Variants in SAMMSON observed in about 807,000 individuals in gnomAD.
SAMMSON encodes the protein survival associated mitochondrial melanoma specific oncogenic non-coding RNA, also known as long intergenic non-protein coding RNA 1212.
At chr3:70,237,525 A>G (rs1476276843) in intron 4 of SAMMSON, among the ~76,000 whole-genome samples, 1 of 152,238 alleles carries the variant, frequency 6.6e-6, no homozygotes, top group African/African-American at 2.4e-5. Context: ...ATGCTATGCT[A>G]AAATTGATGT....
chr3:70,397,850 A>C (rs1661792084), intron 2 of SAMMSON, among the ~76,000 whole-genome samples: 1 of 152,240 alleles, frequency 6.6e-6, no homozygotes, highest in Admixed American at 6.5e-5. Flanking sequence ...TATATTAGAC[A>C]AACTATAACA....
rs116326794 is a variant in SAMMSON, at chr3:70,128,011, C to T, written n.507+56446C>T. On this transcript the variant is annotated intron_variant and non_coding_transcript_variant, in intron 4 of 9. Transcript: ENST00000642114. The stretch of plus-strand genomic sequence containing the variant: ...GATTAGTAAGGACCAGAATGGATAA[C>T]GTTCCTGGGTCAGGCATCATTTTCA... 6.5e-3 allele frequency among the ~76,000 whole-genome samples: 995 copies of T among 152,268 alleles called. 4 individuals are homozygous for T. The highest frequency in any genetic ancestry group is 0.01 in the South Asian group (49 of 4,826).
intron 4 of SAMMSON, chr3:70,125,005 C>T (rs2067450639): frequency 1.5e-6 from 1 of 672,386 alleles, no homozygotes; most frequent in East Asian, 2.7e-5. Context: ...TCAATTTCTT[C>T]CTGTCCAAGT....
intron 7 of SAMMSON, chr3:70,291,878 A>C (rs895986024): frequency 1.3e-5 from 2 of 152,264 alleles, no homozygotes; most frequent in East Asian, 1.9e-4. Context: ...AGAATGTAGG[A>C]GTCTAATATT....
At chr3:70,158,951 T>C (rs2106691819) in intron 4 of SAMMSON, among the ~76,000 whole-genome samples, 1 of 152,182 alleles carries the variant, frequency 6.6e-6, no homozygotes, top group African/African-American at 2.4e-5. Context: ...TATATATTTG[T>C]CCTTTCCAAA....
chr3:70,267,302 TA>T (rs983519812), intron 6 of SAMMSON, among the ~76,000 whole-genome samples: 1 of 151,804 alleles, frequency 6.6e-6, no homozygotes, highest in African/African-American at 2.4e-5. Context: ...TACCATATTC[TA>T]AAAAATATCA....
intron 4 of SAMMSON, among the ~76,000 whole-genome samples, chr3:70,232,024 A>G (rs187684681): frequency 9.4e-4 from 143 of 152,300 alleles, no homozygotes; most frequent in African/African-American, 3.3e-3. Flanking sequence ...TTAGCCATTA[A>G]TAAGCATATT....
At chr3:70,352,422 C>T (rs955320513) in intron 7 of SAMMSON, among the ~76,000 whole-genome samples, 1 of 151,954 alleles carries the variant, frequency 6.6e-6, no homozygotes, top group African/African-American at 2.4e-5. Flanking sequence ...GCAATATATC[C>T]TATAGGAATG....
chr3:70,247,889 T>C (rs1401305078), intron 4 of SAMMSON, among the ~76,000 whole-genome samples: 1 of 152,074 alleles, frequency 6.6e-6, no homozygotes, highest in Non-Finnish European at 1.5e-5. Flanking sequence ...TTATTTTTTA[T>C]AAGTTTCTGT....
intron 7 of SAMMSON, among the ~76,000 whole-genome samples, chr3:70,297,978 CA>C (rs1206613286): frequency 3.3e-5 from 5 of 151,964 alleles, no homozygotes; most frequent in African/African-American, 4.8e-5. Context: ...CTTAAATAAT[CA>C]GGGGAGAAAT....
intron 4 of SAMMSON, chr3:70,075,033 C>T (rs942981518): frequency 6.6e-6 from 1 of 152,020 alleles, no homozygotes; most frequent in African/African-American, 2.4e-5. Context: ...CTTTTCACCC[C>T]TCCACACCAG....
intron 4 of SAMMSON, chr3:70,127,055 T>A (rs2067462097): frequency 6.6e-6 from 1 of 152,522 alleles, no homozygotes; most frequent in Non-Finnish European, 1.5e-5. Context: ...GTGGAACATT[T>A]TGAACTGTCC....
intron 4 of SAMMSON, among the ~76,000 whole-genome samples, chr3:70,096,805 A>C (rs1423485041): frequency 6.6e-6 from 1 of 152,196 alleles, no homozygotes; most frequent in East Asian, 1.9e-4. Context: ...AGGTCACAGA[A>C]TGTATGTCTA....
intron 7 of SAMMSON, among the ~76,000 whole-genome samples, chr3:70,334,147 A>G (rs1360998605): frequency 2.0e-5 from 3 of 152,180 alleles, no homozygotes; most frequent in East Asian, 1.9e-4. Context: ...TTAAGGAATC[A>G]TAGTTGAAGA....
intron 9 of SAMMSON, among the ~76,000 whole-genome samples, chr3:70,363,258 A>C (rs1043234063): frequency 3.3e-5 from 5 of 151,994 alleles, no homozygotes; most frequent in African/African-American, 1.2e-4. Flanking sequence ...CCTTTCCTTT[A>C]AGAACTGGAA....
intron 6 of SAMMSON, among the ~76,000 whole-genome samples, chr3:70,273,519 A>T (rs905385005): frequency 3.3e-5 from 5 of 152,204 alleles, no homozygotes; most frequent in Non-Finnish European, 5.9e-5. Flanking sequence ...TAATACAGTT[A>T]TATCACCTAA....
At chr3:70,420,171 T>C (rs552187886) in intron 2 of SAMMSON, among the ~76,000 whole-genome samples, 5 of 152,290 alleles carry the variant, frequency 3.3e-5, no homozygotes, top group Non-Finnish European at 4.4e-5. Flanking sequence ...AATAGAACTA[T>C]TAGCTGTCTC....
chr3:70,194,703 C>T (rs1701159096), intron 4 of SAMMSON, among the ~76,000 whole-genome samples: 1 of 152,152 alleles, frequency 6.6e-6, no homozygotes, highest in Admixed American at 6.5e-5. Flanking sequence ...ATTCAATTCA[C>T]ATTTGAAATG....
chr3:70,302,210 C>T (rs539952312), intron 7 of SAMMSON, among the ~76,000 whole-genome samples: 2 of 152,198 alleles, frequency 1.3e-5, no homozygotes, highest in East Asian at 3.9e-4. Context: ...TGATTTATGC[C>T]TGTAGAGTGA....
Sources: gnomAD v4.1 joint callset for allele counts (sites outside exome capture counted in the v4.1 genomes callset) on GRCh38, gnomAD v4.1.1 for gene constraint, MANE v1.5 for transcripts, NCBI Gene and HGNC (gene_info 2026-07-23, HGNC 2026-07-21) for gene names.